The following QARS1 variants were observed in gnomAD, a reference collection of about 807,000 sequenced individuals.
QARS1 encodes the protein glutamine--tRNA ligase.
QARS1 carries 79 observed loss-of-function variants against 106.9 expected under a neutral mutation model. The ratio of observed to expected loss-of-function variants is 0.74; its 90% CI spans 0.62 to 0.89. The LOEUF is 0.89. Ranked by LOEUF, QARS1 falls within the 40% of genes least tolerant of loss-of-function variation. QARS1 has a pLI of 0.00. For missense variants in QARS1, 966 were observed against 997.2 expected (o/e 0.97, Z 0.42); for synonymous variants, 395 against 367.7 (o/e 1.07, Z -0.85).
chr3:49,100,124 G>A (rs1365109372), intron 13 of QARS1, 33 bp from the exon 14 acceptor site: 4 of 1,614,104 alleles, frequency 2.5e-6, no homozygotes, highest in South Asian at 2.2e-5. Context: ...CTGTCTCTAA[G>A]CACAGGAGCA....
At position 49,102,225 on chromosome 3, in the gene QARS1, G is replaced by A. The variant is rs911977359; in HGVS notation, c.611C>T (p.Ala204Val). 3.1e-6 allele frequency: 5 copies of A among 1,614,082 alleles called. No homozygotes were observed. The highest frequency in any genetic ancestry group is 4.2e-6 in the Non-Finnish European group (5 of 1,180,046). ...ARLEETDRRTAKDVVENGETA... is the reference protein window; with the variant it reads ...ARLEETDRRTVKDVVENGETA... ...CTCACCATTCTCCACCACATCCTTT[G>A]CCGTCCTCCGGTCTGTTTCTTCTAG... Residue 204 changes from alanine (A) to valine (V), a missense_variant, in exon 7 of 24, where the codon GCA becomes GTA. By Grantham distance (64) the Ala-to-Val change is moderately conservative. Transcript: ENST00000306125.
intron 23 of QARS1, chr3:49,097,332 A>G (rs539518883): frequency 6.6e-6 from 1 of 152,002 alleles, no homozygotes; most frequent in East Asian, 2.0e-4. Context: ...TTAACGAAAG[A>G]TATTAAAAAT....
intron 1 of QARS1, 39 bp downstream of exon 1, chr3:49,104,578 A>T (rs371682927): frequency 6.3e-7 from 1 of 1,597,778 alleles, no homozygotes; most frequent in Non-Finnish European, 8.6e-7. Context: ...GCGTTGCAGC[A>T]TGGTCTGCAA....
At position 49,101,898 on chromosome 3, in the gene QARS1, G is replaced by A. The variant is rs752655908; in HGVS notation, c.633C>T (p.Gly211=). ...GAGACAGGGTCTGGTCAGCAGTCTCGCCTGTGGGGAACAAAACAAGGAAAA... is the reference window on the plus strand; with the variant it reads ...GAGACAGGGTCTGGTCAGCAGTCTCACCTGTGGGGAACAAAACAAGGAAAA... ...RRTAKDVVEN[G]ETADQTLSLM... The change falls in exon 8 of 24, where the codon GGC becomes GGT. Residue 211 remains glycine (G), a splice_region_variant and synonymous_variant. Transcript: ENST00000306125. The A allele has an allele frequency of 1.2e-5, 20 of 1,607,630 alleles. No homozygotes were observed. The highest frequency in any genetic ancestry group is 4.5e-5 in the East Asian group (2 of 44,756).
rs757058530 is a variant in QARS1 at position 49,104,482 on chromosome 3, AG to A, written c.118-12del. The A allele has an allele frequency of 3.4e-5, 55 of 1,613,388 alleles. No homozygotes were observed. The South Asian group carries it at 5.5e-4, about 16-fold the overall frequency. On this transcript the variant is annotated splice_polypyrimidine_tract_variant and intron_variant, in intron 1 of 23. Transcript: ENST00000306125. ...CAGGGTCTGCTGAGCCTGAGGTCAG[AG>A]GGGTCAAGAGAGAAGCCCCGCGCTC...
In QARS1 at chr3:49,099,248, TC is replaced by T; in HGVS notation, c.1619del (p.Gly540GlufsTer2). The T allele has an allele frequency of 6.2e-7, 1 of 1,614,122 alleles. No homozygotes were observed. The highest frequency in any genetic ancestry group is 8.5e-7 in the Non-Finnish European group (1 of 1,180,012). On this transcript the variant is annotated frameshift_variant, in exon 18 of 24. Transcript: ENST00000306125. LOFTEE classifies it high-confidence loss of function. ...CCATTGTGGTTTGTGCCACAGTCAC[TC>T]CCACCTGGCAGGAAAGTTCAGCATC... ...EAINNFCARV[G>X]VTVAQTTMEP...
chr3:49,101,171 G>A (rs968725812), intron 10 of QARS1, among the ~76,000 whole-genome samples, 184 bp downstream of exon 10: 4 of 152,168 alleles, frequency 2.6e-5, no homozygotes, highest in East Asian at 1.9e-4. Flanking sequence ...TCAGAGGGAG[G>A]GAGCTATTTA....
rs2042482285 is a variant in QARS1, at chr3:49,102,342, G to C, written c.570+77C>G. On this transcript the variant is annotated intron_variant, in intron 6 of 23. Coordinates refer to ENST00000306125, the MANE Select transcript of QARS1 (RefSeq NM_005051.3). ...TAGGGTCTTGGGATCCCTGTGGTCA[G>C]ACACTTCCTTCCCCAGCCTGAAGTC... is the stretch of plus-strand genomic sequence containing the variant. 2.3e-5 allele frequency: 37 copies of C among 1,612,910 alleles called. No homozygotes were observed. The South Asian group carries it at 3.6e-4, about 16-fold the overall frequency.
At chr3:49,097,408 G>C (rs918363103) in intron 23 of QARS1, 2 of 151,808 alleles carry the variant, frequency 1.3e-5, no homozygotes, top group African/African-American at 4.8e-5. Context: ...CTGGTGGTAA[G>C]CCCTGACCTC....
Position 49,095,985 on chromosome 3 carries a change from A to G in QARS1, c.*44T>C. 1 of 1,582,724 alleles carries G rather than the reference A, an allele frequency of 6.3e-7. No individual in the cohort carries two copies. The highest frequency in any genetic ancestry group is 8.7e-7 in the Non-Finnish European group (1 of 1,153,810). The stretch of plus-strand genomic sequence containing the variant: ...ACATGGAATTTGGGGTGGCGAGGGT[A>G]GCCACACCCTCCAGGAGGATGAGGT... On this transcript the variant is annotated 3_prime_UTR_variant, in exon 24 of 24. Transcript: ENST00000306125.
rs756620094 is a variant in QARS1 at position 49,098,699 on chromosome 3, A to C, written c.1864-7T>G. 7 of 1,585,552 alleles carry C rather than the reference A, an allele frequency of 4.4e-6. No homozygotes were observed. Among genetic ancestry groups the C allele is most frequent in the Non-Finnish European group, 6.0e-6 (7 of 1,166,862 alleles). On this transcript the variant is annotated splice_region_variant and splice_polypyrimidine_tract_variant and intron_variant, in intron 19 of 23. Transcript: ENST00000306125. ...TAAATCCTGGCTCTGGCTCCTAGAGATAGGAAGTGGGGTAGACACATGAGG... is the reference window on the plus strand; with the variant it reads ...TAAATCCTGGCTCTGGCTCCTAGAGCTAGGAAGTGGGGTAGACACATGAGG...
intron 5 of QARS1, chr3:49,102,804 A>T: frequency 2.6e-6 from 1 of 387,776 alleles, no homozygotes; most frequent in South Asian, 2.1e-5. Flanking sequence ...CACCACACCC[A>T]GCTAATTTTT....
chr3:49,097,598 C>T (rs1225129852), intron 23 of QARS1, among the ~76,000 whole-genome samples: 1 of 151,874 alleles, frequency 6.6e-6, no homozygotes, highest in Non-Finnish European at 1.5e-5. Context: ...AATTCGAGAC[C>T]ATCCTGGCCA....
In QARS1 at chr3:49,098,959, C is replaced by G. The variant is rs761674829; in HGVS notation, c.1789G>C (p.Ala597Pro). Residue 597 changes from alanine (A) to proline (P), a missense_variant, in exon 19 of 24, where the codon GCT (alanine) becomes CCT (proline). Coordinates refer to ENST00000306125, the MANE Select transcript of QARS1 (RefSeq NM_005051.3). The stretch of plus-strand genomic sequence containing the variant: ...TGATGGAAGCCTTTGGTCTCATCAG[C>G]TGGGAAGTTGGGCACCTGGATGTCC... ...SLDIQVPNFP[A>P]DETKGFHQVP... is the part of the protein sequence containing the mutation. 2 of 1,614,074 alleles carry G rather than the reference C, an allele frequency of 1.2e-6. No homozygotes were observed. The highest frequency in any genetic ancestry group is 1.7e-6 in the Non-Finnish European group (2 of 1,179,976).
chr3:49,103,781 G>C, intron 3 of QARS1, 75 bp from the exon 4 acceptor site: 2 of 1,595,386 alleles, frequency 1.3e-6, no homozygotes, highest in South Asian at 2.2e-5. Context: ...CCTCACTCTG[G>C]GTCTTCCTGA....
chr3:49,103,629 AC>A lies in QARS1; in HGVS notation c.451+1del. 6.2e-7 allele frequency: 1 copy of A among 1,613,244 alleles called. No homozygotes were observed. The highest frequency in any genetic ancestry group is 8.5e-7 in the Non-Finnish European group (1 of 1,179,632). On this transcript the variant is annotated splice_donor_variant, in intron 4 of 23. Transcript: ENST00000306125. LOFTEE classifies it high-confidence loss of function. Reference sequence around the variant, plus strand: ...TATAGCCCCGTTCCAGGCCCTGCTCACCCATCAGCAGCCCCATGTTGAAATG... The same window carrying A: ...TATAGCCCCGTTCCAGGCCCTGCTCACCATCAGCAGCCCCATGTTGAAATG...
chr3:49,103,626 C>T lies in QARS1; in HGVS notation c.451+5G>A. ...CAATATAGCCCCGTTCCAGGCCCTG[C>T]TCACCCATCAGCAGCCCCATGTTGA... On this transcript the variant is annotated splice_donor_5th_base_variant and intron_variant, in intron 4 of 23. Transcript: ENST00000306125. The T allele has an allele frequency of 6.2e-7, 1 of 1,613,104 alleles. No individual in the cohort carries two copies. Among genetic ancestry groups the T allele is most frequent in the Non-Finnish European group, 8.5e-7 (1 of 1,179,554 alleles).
chr3:49,102,401 G>A lies in QARS1; in HGVS notation c.570+18C>T. ...CCTCACCTCACCCTCAGGGACTCAGGGCCATGCCCATCCCTACCTTGAACT... is the reference window on the plus strand; with the variant it reads ...CCTCACCTCACCCTCAGGGACTCAGAGCCATGCCCATCCCTACCTTGAACT... On this transcript the variant is annotated intron_variant, in intron 6 of 23. Coordinates refer to ENST00000306125, the MANE Select transcript of QARS1 (RefSeq NM_005051.3). The A allele has an allele frequency of 1.2e-6, 2 of 1,614,034 alleles. No homozygotes were observed. Among genetic ancestry groups the A allele is most frequent in the South Asian group, 2.2e-5 (2 of 91,074 alleles).
intron 12 of QARS1, 29 bp from the exon 13 acceptor site, chr3:49,100,327 A>G (rs1204817073): frequency 2.5e-6 from 4 of 1,614,086 alleles, no homozygotes; most frequent in African/African-American, 2.7e-5. Context: ...AGTGCCCAGC[A>G]TGGCTGTGAC....
Sources: allele counts gnomAD v4.1 joint callset (sites outside exome capture counted in the v4.1 genomes callset), GRCh38; gene constraint gnomAD v4.1.1; transcripts MANE v1.5; gene names NCBI Gene and HGNC (gene_info 2026-07-23, HGNC 2026-07-21).